The following RAP2A variants were observed in gnomAD, a reference collection of about 807,000 sequenced individuals.
RAP2A encodes the protein RAP2A, member of RAS oncogene family, also known as ras-related protein Rap-2a.
RAP2A carries 5 observed loss-of-function variants against 15.1 expected under a neutral mutation model. The observed-to-expected ratio is 0.33, with a 90% CI of 0.17 to 0.70. RAP2A has a LOEUF of 0.70. RAP2A is among the 30% of genes least tolerant of loss of function. RAP2A has a pLI of 0.68. For synonymous variants in RAP2A, 110 were observed against 99.7 expected (o/e 1.10, Z -0.62); for missense variants, 111 against 240.3 (o/e 0.46, Z 3.56).
At position 97,465,785 on chromosome 13, in the gene RAP2A, C is replaced by G. The variant is rs1304372292; in HGVS notation, c.*1343C>G. On this transcript the variant is annotated 3_prime_UTR_variant, in exon 2 of 2. Coordinates refer to ENST00000245304, the MANE Select transcript of RAP2A (RefSeq NM_021033.7). ...GCATGACTAATGGCACAGGAAAAAC[C>G]TATTCATAAGTTTTACAATCAAGTA... The G allele has an allele frequency of 6.6e-6, 1 of 152,122 alleles. No individual in the cohort carries two copies. The highest frequency in any genetic ancestry group is 2.4e-5 in the African/African-American group (1 of 41,414). 9.4% of individuals were successfully genotyped at this position (152,122 alleles called of 1,614,324 possible). A position where few individuals can be genotyped will look rare whatever the true frequency, so the allele number is the denominator to read the frequency against.
At chr13:97,451,926 G>A (rs190699375) in intron 1 of RAP2A, among the ~76,000 whole-genome samples, 2 of 151,074 alleles carry the variant, frequency 1.3e-5, no homozygotes, top group Non-Finnish European at 3.0e-5. Flanking sequence ...GACCATTTGG[G>A]TATTTTCTTT....
At chr13:97,460,639 T>A (rs2066742386) in intron 1 of RAP2A, among the ~76,000 whole-genome samples, 1 of 152,188 alleles carries the variant, frequency 6.6e-6, no homozygotes, top group Non-Finnish European at 1.5e-5. Context: ...TCACCCATCT[T>A]TCTTAAGGAG....
intron 1 of RAP2A, among the ~76,000 whole-genome samples, chr13:97,453,819 G>A (rs2066712004): frequency 6.6e-6 from 1 of 150,826 alleles, no homozygotes; most frequent in African/African-American, 2.4e-5. Flanking sequence ...CATTCCATCA[G>A]CAATGTATCT....
chr13:97,438,725 C>T (rs1282972501), intron 1 of RAP2A, among the ~76,000 whole-genome samples: 2 of 152,170 alleles, frequency 1.3e-5, no homozygotes, highest in Non-Finnish European at 2.9e-5. Flanking sequence ...TTTCCCTTTT[C>T]TTTGAAGCAC....
At chr13:97,438,830 A>G (rs1485596356) in intron 1 of RAP2A, among the ~76,000 whole-genome samples, 1 of 152,244 alleles carries the variant, frequency 6.6e-6, no homozygotes, top group Non-Finnish European at 1.5e-5. Context: ...TCCTACTAGC[A>G]CATAGGAAAC....
At chr13:97,462,694 ATGT>A (rs2139042436) in intron 1 of RAP2A, among the ~76,000 whole-genome samples, 1 of 152,308 alleles carries the variant, frequency 6.6e-6, no homozygotes, top group South Asian at 2.1e-4. Context: ...TTTGCCTTTG[ATGT>A]TGTTCCTTCC....
rs886395872 is a variant in RAP2A, at chr13:97,468,664, A to G, written c.*4222A>G. 3 of 152,250 alleles carry G rather than the reference A, an allele frequency of 2.0e-5. No homozygotes were observed. The highest frequency in any genetic ancestry group is 4.4e-5 in the Non-Finnish European group (3 of 68,046). 9.4% of individuals were successfully genotyped at this position (152,250 alleles called of 1,614,324 possible). A position where few individuals can be genotyped will look rare whatever the true frequency, so the allele number is the denominator to read the frequency against. On this transcript the variant is annotated 3_prime_UTR_variant, in exon 2 of 2. Transcript: ENST00000245304. The stretch of plus-strand genomic sequence containing the variant: ...TGAATGAATATAACAGAGGCACTGT[A>G]GATAGAATCCCAGATATTTAAAGGA...
rs1444030283 is a variant in RAP2A at position 97,468,813 on chromosome 13, G to A, written c.*4371G>A. On this transcript the variant is annotated 3_prime_UTR_variant, in exon 2 of 2. Transcript: ENST00000245304. ...TGGATAGTTGGAAGAACGTCTTTGA[G>A]GCTAAAAAGTAGTACTCTGAAATTC... is the stretch of plus-strand genomic sequence containing the variant. The A allele has an allele frequency of 6.6e-6, 1 of 152,154 alleles. No homozygotes were observed. Among genetic ancestry groups the A allele is most frequent in the African/African-American group, 2.4e-5 (1 of 41,436 alleles). 9.4% of individuals were successfully genotyped at this position (152,154 alleles called of 1,614,324 possible).
chr13:97,461,801 AATAT>A (rs2066746996), intron 1 of RAP2A, among the ~76,000 whole-genome samples: 1 of 151,378 alleles, frequency 6.6e-6, no homozygotes, highest in Non-Finnish European at 1.5e-5. Context: ...GTCTCTACTA[AATAT>A]ACAAAAAATT....
chr13:97,454,991 G>T (rs555664231), intron 1 of RAP2A, among the ~76,000 whole-genome samples: 1 of 150,930 alleles, frequency 6.6e-6, no homozygotes, highest in East Asian at 1.9e-4. Context: ...CAGTCCTTTT[G>T]TTTGTTCTAT....
intron 1 of RAP2A, among the ~76,000 whole-genome samples, chr13:97,442,229 C>T (rs895861011): frequency 1.6e-4 from 24 of 152,008 alleles, no homozygotes; most frequent in African/African-American, 5.8e-4. Flanking sequence ...GATTCTAATA[C>T]ATAATCTAGC....
rs367611989 is a variant in RAP2A at position 97,448,592 on chromosome 13, G to A, written c.314+13808G>A. The stretch of plus-strand genomic sequence containing the variant: ...GAAAGCTCATGACGTATCCAAGGAG[G>A]CAGAGCTGGGACTTATTTCTAGGTC... On this transcript the variant is annotated intron_variant, in intron 1 of 1. Coordinates refer to ENST00000245304, the MANE Select transcript of RAP2A (RefSeq NM_021033.7). Among the ~76,000 whole-genome samples the A allele has an allele frequency of 3.3e-5, 5 of 152,262 alleles. No homozygotes were observed. The East Asian group carries it at 5.8e-4, about 18-fold the overall frequency.
chr13:97,447,333 C>T (rs988224084), intron 1 of RAP2A, among the ~76,000 whole-genome samples: 10 of 152,148 alleles, frequency 6.6e-5, no homozygotes, highest in South Asian at 4.1e-4. Context: ...TCTGAACTGC[C>T]GTCTCCCCCT....
rs1003746542 is a variant in RAP2A at position 97,467,603 on chromosome 13, T to G, written c.*3161T>G. 3 of 152,634 alleles carry G rather than the reference T, an allele frequency of 2.0e-5. No homozygotes were observed. The highest frequency in any genetic ancestry group is 2.0e-4 in the Admixed American group (3 of 15,274). 9.5% of individuals were successfully genotyped at this position (152,634 alleles called of 1,614,324 possible). ...TGTGTTTTTAATTTTTTTGTTCTTATCAGCAGTCTTGTGTTAGCACTGGGT... is the reference window on the plus strand; with the variant it reads ...TGTGTTTTTAATTTTTTTGTTCTTAGCAGCAGTCTTGTGTTAGCACTGGGT... On this transcript the variant is annotated 3_prime_UTR_variant, in exon 2 of 2. Transcript: ENST00000245304.
At chr13:97,457,823 A>T (rs1247347056) in intron 1 of RAP2A, among the ~76,000 whole-genome samples, 3 of 152,168 alleles carry the variant, frequency 2.0e-5, no homozygotes, top group Admixed American at 6.5e-5. Flanking sequence ...TTTCCTATTA[A>T]GTATTGCCAG....
chr13:97,461,366 T>C (rs2066745268), intron 1 of RAP2A, among the ~76,000 whole-genome samples: 1 of 152,082 alleles, frequency 6.6e-6, no homozygotes, highest in Non-Finnish European at 1.5e-5. Flanking sequence ...CTCTAGTGTC[T>C]TTAGAAACTT....
At chr13:97,456,291 C>T (rs1258202539) in intron 1 of RAP2A, among the ~76,000 whole-genome samples, 1 of 144,456 alleles carries the variant, frequency 6.9e-6, no homozygotes, top group Non-Finnish European at 1.5e-5. Flanking sequence ...AACGGGAAAA[C>T]CAGGAAACTC....
chr13:97,459,225 T>C (rs983570638), intron 1 of RAP2A, among the ~76,000 whole-genome samples: 1 of 151,862 alleles, frequency 6.6e-6, no homozygotes, highest in African/African-American at 2.4e-5. Flanking sequence ...TTGAGAATTT[T>C]GCATCTTTAG....
At chr13:97,439,970 C>T (rs2066650290) in intron 1 of RAP2A, among the ~76,000 whole-genome samples, 2 of 152,054 alleles carry the variant, frequency 1.3e-5, no homozygotes, top group Non-Finnish European at 2.9e-5. Context: ...TGATTGTTTA[C>T]ACTTTCCCCC....
Sources: gnomAD v4.1 joint callset for allele counts (sites outside exome capture counted in the v4.1 genomes callset) on GRCh38, gnomAD v4.1.1 for gene constraint, MANE v1.5 for transcripts, NCBI Gene and HGNC (gene_info 2026-07-23, HGNC 2026-07-21) for gene names.